Variants in ANO3 observed in about 807,000 individuals in gnomAD.
ANO3 encodes the protein anoctamin-3.
In ANO3, 99 loss-of-function variants were observed where a neutral mutation model predicts 144.8. The ratio of observed to expected loss-of-function variants is 0.68; its 90% confidence interval spans 0.58 to 0.81. ANO3 has a LOEUF of 0.81. Ranked by LOEUF, ANO3 falls within the 30% of genes least tolerant of loss-of-function variation. The probability of loss-of-function intolerance (pLI) is 0.00; values close to 1 mark genes in which losing one functional copy is unlikely to be tolerated. For synonymous variants in ANO3, 414 were observed against 392.6 expected, an observed-to-expected ratio of 1.05 and a Z score of -0.64; for missense variants, 905 against 1,202.2, an observed-to-expected ratio of 0.75 and a Z score of 3.66.
chr11:26,565,575 TG>T (rs1850539717), intron 14 of ANO3: 1 of 1,613,338 alleles, frequency 6.2e-7, no homozygotes. Flanking sequence ...GCCCAAAGAA[TG>T]CTCTGCTGAT....
intron 1 of ANO3, among the ~76,000 whole-genome samples, chr11:26,316,590 C>T (rs577377701): frequency 2.0e-5 from 3 of 152,226 alleles, no homozygotes; most frequent in Non-Finnish European, 2.9e-5. Context: ...ACTAGACAAC[C>T]GGTTAGACCA....
chr11:26,351,992 A>C (rs1413232779), intron 1 of ANO3, among the ~76,000 whole-genome samples: 3 of 152,226 alleles, frequency 2.0e-5, no homozygotes, highest in Admixed American at 6.5e-5. Flanking sequence ...AACTGTGTCC[A>C]TACGAAATAG....
chr11:26,300,273 A>T (rs540382730), intron 1 of ANO3, among the ~76,000 whole-genome samples: 1 of 152,232 alleles, frequency 6.6e-6, no homozygotes, highest in East Asian at 1.9e-4. Context: ...ACACACACAC[A>T]TACACACCTT....
Position 26,531,212 on chromosome 11 carries a change from A to G in ANO3, c.745A>G (p.Thr249Ala). Residue 249 changes from threonine (T) to alanine (A), a missense_variant, in exon 8 of 27, where the codon ACT becomes GCT. By Grantham distance (58) the Thr-to-Ala change is moderately conservative. This residue lies in a region of ANO3 where 71 missense variants were observed against 57.9 expected (regional missense o/e 1.23). Coordinates refer to ENST00000256737, the MANE Select transcript of ANO3 (RefSeq NM_031418.4). Reference sequence around the variant, plus strand: ...AATGTGACTTCATTCCAGGATGCAAACTTATTTTAGAAGAATCAAAAACTG... The same window carrying G: ...AATGTGACTTCATTCCAGGATGCAAGCTTATTTTAGAAGAATCAAAAACTG... ...GRSKSMGRMQ[T>A]YFRRIKNWMA... is the part of the protein sequence containing the mutation. The G allele has an allele frequency of 6.2e-7, 1 of 1,613,944 alleles. No homozygotes were observed. Among genetic ancestry groups the G allele is most frequent in the Non-Finnish European group, 8.5e-7 (1 of 1,179,952 alleles).
chr11:26,279,538 T>TA (rs2133843101), intron 1 of ANO3, among the ~76,000 whole-genome samples: 1 of 152,308 alleles, frequency 6.6e-6, no homozygotes, highest in East Asian at 1.9e-4. Context: ...TTTGAATAGA[T>TA]ATTTCTGCAA....
chr11:26,506,620 C>G (rs1334566260), intron 4 of ANO3, among the ~76,000 whole-genome samples: 1 of 152,176 alleles, frequency 6.6e-6, no homozygotes, highest in Non-Finnish European at 1.5e-5. Context: ...CTGGAAATCT[C>G]AGAGCTTTTT....
chr11:26,285,711 A>C (rs948947354), intron 1 of ANO3: 4 of 152,212 alleles, frequency 2.6e-5, no homozygotes, highest in Admixed American at 6.5e-5. Flanking sequence ...ATCGTATGTA[A>C]TCATTCCAAT....
chr11:26,462,947 A>G, intron 3 of ANO3, 83 bp from the exon 4 acceptor site: 1 of 615,388 alleles, frequency 1.6e-6, no homozygotes, highest in South Asian at 3.6e-5. Flanking sequence ...CTGGGAAAAC[A>G]TGAAAGAGGA....
At chr11:26,418,498 C>T (rs1023568628) in intron 1 of ANO3, among the ~76,000 whole-genome samples, 2 of 152,076 alleles carry the variant, frequency 1.3e-5, no homozygotes, top group Non-Finnish European at 2.9e-5. Context: ...ATTTTGAGAT[C>T]TTTGCTGTGG....
At chr11:26,270,635 G>T (rs891136006) in intron 1 of ANO3, among the ~76,000 whole-genome samples, 1 of 152,094 alleles carries the variant, frequency 6.6e-6, no homozygotes, top group East Asian at 1.9e-4. Flanking sequence ...AATATATTAC[G>T]AATTCATTTA....
At chr11:26,306,787 G>GA (rs1346193944), upstream of ANO3, among the ~76,000 whole-genome samples, 1 of 152,194 alleles carries the variant, frequency 6.6e-6, no homozygotes, top group Non-Finnish European at 1.5e-5. Flanking sequence ...TTTGTCAATG[G>GA]AAAACATGTG....
chr11:26,428,614 AT>A (rs1358955658), intron 1 of ANO3, among the ~76,000 whole-genome samples: 3 of 152,176 alleles, frequency 2.0e-5, no homozygotes, highest in Admixed American at 6.5e-5. Context: ...CTCAGAGGAT[AT>A]TGCAACCTTA....
intron 1 of ANO3, among the ~76,000 whole-genome samples, chr11:26,245,074 T>G (rs1852760123): frequency 6.6e-6 from 1 of 150,464 alleles, no homozygotes; most frequent in Non-Finnish European, 1.5e-5. Flanking sequence ...TAATTCCAAC[T>G]TGCAGAAAAT....
At chr11:26,238,511 A>G (rs1852583254) in intron 1 of ANO3, among the ~76,000 whole-genome samples, 1 of 152,158 alleles carries the variant, frequency 6.6e-6, no homozygotes, top group South Asian at 2.1e-4. Flanking sequence ...TGCAACTATT[A>G]AAAACAATTG....
chr11:26,422,669 G>T (rs868257447), intron 1 of ANO3, among the ~76,000 whole-genome samples: 2 of 151,896 alleles, frequency 1.3e-5, no homozygotes, highest in African/African-American at 4.8e-5. Flanking sequence ...GCTTTAGATG[G>T]GTTGTAATCT....
intron 1 of ANO3, among the ~76,000 whole-genome samples, chr11:26,228,547 A>G (rs967795357): frequency 1.3e-5 from 2 of 152,212 alleles, no homozygotes; most frequent in African/African-American, 2.4e-5. Flanking sequence ...TTATTAAGGT[A>G]TGTCCTTGGT....
At chr11:26,389,301 T>G (rs897585154) in intron 1 of ANO3, among the ~76,000 whole-genome samples, 1 of 152,094 alleles carries the variant, frequency 6.6e-6, no homozygotes, top group Non-Finnish European at 1.5e-5. Context: ...TCTCTGATCT[T>G]GGACTGACTT....
intron 10 of ANO3, among the ~76,000 whole-genome samples, chr11:26,540,427 A>C (rs1432992916): frequency 6.6e-6 from 1 of 152,192 alleles, no homozygotes; most frequent in East Asian, 1.9e-4. Context: ...TTGATGAAGC[A>C]TGGCAACAAA....
intron 4 of ANO3, among the ~76,000 whole-genome samples, chr11:26,465,520 G>A (rs919969417): frequency 2.0e-5 from 3 of 151,630 alleles, no homozygotes; most frequent in African/African-American, 7.3e-5. Flanking sequence ...GACTTGAAGG[G>A]GGGAAAGTAA....
Sources: allele counts gnomAD v4.1 joint callset (sites outside exome capture counted in the v4.1 genomes callset), GRCh38; gene constraint gnomAD v4.1.1; regional missense constraint gnomAD v4.1.1; transcripts MANE v1.5; gene names NCBI Gene and HGNC (gene_info 2026-07-23, HGNC 2026-07-21).